The following C1orf94 variants were observed in gnomAD, a reference collection of about 807,000 sequenced individuals.
C1orf94 encodes uncharacterized protein C1orf94.
Under a neutral mutation model 53.6 loss-of-function variants are expected in C1orf94, and 45 were observed. That is an observed-to-expected ratio of 0.84 (90% CI 0.66 to 1.08). The LOEUF (loss-of-function observed/expected upper bound fraction) is 1.08, where lower values mean the gene tolerates loss of function less well. C1orf94 is among the 50% of genes least tolerant of loss of function. C1orf94 has a pLI of 0.00. For missense variants in C1orf94, 762 were observed against 738.9 expected, an observed-to-expected ratio of 1.03 and a Z score of -0.36; for synonymous variants, 304 against 296.1, an observed-to-expected ratio of 1.03 and a Z score of -0.27.
At position 34,202,012 on chromosome 1, in the gene C1orf94, G is replaced by A. The variant is rs1281807120; in HGVS notation, c.1271-72G>A. 3 of 1,492,348 alleles carry A rather than the reference G, an allele frequency of 2.0e-6. No individual in the cohort carries two copies. In the Admixed American group the frequency reaches 5.4e-5, roughly 27 times the overall value. 92.4% of individuals were successfully genotyped at this position (1,492,348 alleles called of 1,614,324 possible). A position where few individuals can be genotyped will look rare whatever the true frequency, so the allele number is the denominator to read the frequency against. ...GAGACTGTGAATCCCTAAGGAAGTT[G>A]CGATGCTGAAGGTGTCCTGGCCTCT... On this transcript the variant is annotated intron_variant, in intron 3 of 6. Coordinates refer to ENST00000488417, the MANE Select transcript of C1orf94 (RefSeq NM_001134734.2).
chr1:34,210,366 C>T (rs1642869702), intron 5 of C1orf94, among the ~76,000 whole-genome samples: 1 of 152,170 alleles, frequency 6.6e-6, no homozygotes, highest in South Asian at 2.1e-4. Context: ...CACTGGAGAA[C>T]ATTGGGGAAG....
chr1:34,197,112 T>TA lies in C1orf94; in HGVS notation c.321-113_321-112insA. The TA allele has an allele frequency of 2.1e-6, 2 of 955,394 alleles. No individual in the cohort carries two copies. Among genetic ancestry groups the TA allele is most frequent in the East Asian group, 2.6e-5 (1 of 37,746 alleles). 59.2% of individuals were successfully genotyped at this position (955,394 alleles called of 1,614,324 possible). On this transcript the variant is annotated intron_variant, in intron 1 of 6. Coordinates refer to ENST00000488417, the MANE Select transcript of C1orf94 (RefSeq NM_001134734.2). The surrounding 1 kb of genome is among the most constrained non-coding windows in gnomAD (Gnocchi z 4.1). Reference sequence around the variant, plus strand: ...TGCTGGGTTATCTTGCCTGGAAGTGTGTTTTTGTCATGTTATGCATCCATC... The same window carrying TA: ...TGCTGGGTTATCTTGCCTGGAAGTGTAGTTTTTGTCATGTTATGCATCCATC...
intron 5 of C1orf94, among the ~76,000 whole-genome samples, chr1:34,210,995 G>A (rs1161617824): frequency 1.3e-5 from 2 of 151,946 alleles, no homozygotes; most frequent in Non-Finnish European, 2.9e-5. Flanking sequence ...TATGGGGTGA[G>A]AGAGGGCTGT....
intron 1 of C1orf94, among the ~76,000 whole-genome samples, chr1:34,169,626 AGAGAGAGAGT>A (rs769510107): frequency 0.015 from 1,400 of 94,466 alleles, 32 homozygotes; most frequent in South Asian, 0.079. Context: ...AGAGAGAGAG[AGAGAGAGAGT>A]GAGCAAATGG....
At chr1:34,199,234 G>A (rs1329696843) in intron 2 of C1orf94, among the ~76,000 whole-genome samples, 1 of 152,194 alleles carries the variant, frequency 6.6e-6, no homozygotes, top group African/African-American at 2.4e-5. Context: ...GCCCAGACCT[G>A]GGACGAGGGA....
At chr1:34,176,839 G>A (rs1051093300), upstream of C1orf94, among the ~76,000 whole-genome samples, 1 of 152,178 alleles carries the variant, frequency 6.6e-6, no homozygotes, top group Admixed American at 6.5e-5. Flanking sequence ...GAAGCGCTCT[G>A]GGGTCCTTTG....
intron 1 of C1orf94, among the ~76,000 whole-genome samples, chr1:34,178,755 T>C (rs1395881145): frequency 6.6e-6 from 1 of 150,914 alleles, no homozygotes; most frequent in African/African-American, 2.5e-5. Flanking sequence ...GCAGATATTG[T>C]TGAGGATGGA....
chr1:34,200,367 G>C (rs940624204), intron 2 of C1orf94, among the ~76,000 whole-genome samples: 4 of 152,160 alleles, frequency 2.6e-5, no homozygotes, highest in African/African-American at 9.7e-5. Flanking sequence ...GGAGAGGAAA[G>C]AAAAGAAAGG....
chr1:34,212,620 G>A (rs1021177992), intron 6 of C1orf94, among the ~76,000 whole-genome samples: 1 of 152,140 alleles, frequency 6.6e-6, no homozygotes, highest in Non-Finnish European at 1.5e-5. Context: ...CCTTTTGTAG[G>A]TGCATTTCAG....
intron 1 of C1orf94, among the ~76,000 whole-genome samples, chr1:34,171,898 A>G (rs1642150706): frequency 6.6e-6 from 1 of 152,236 alleles, no homozygotes; most frequent in Non-Finnish European, 1.5e-5. Flanking sequence ...AGGCCTGACC[A>G]GTTCGGGTGC....
At chr1:34,171,414 A>C (rs368817821) in intron 1 of C1orf94, among the ~76,000 whole-genome samples, 4 of 152,190 alleles carry the variant, frequency 2.6e-5, no homozygotes, top group African/African-American at 7.2e-5. Flanking sequence ...TGCCTGGTAC[A>C]TGGTGAACAT....
At chr1:34,207,261 GGGT>G (rs1642813824) in intron 4 of C1orf94, among the ~76,000 whole-genome samples, 1 of 79,004 alleles carries the variant, frequency 1.3e-5, no homozygotes, top group African/African-American at 4.9e-5. Context: ...CAGTTCTGCG[GGGT>G]GTGTGTGTGT....
rs1263260232 is a variant in C1orf94 at position 34,208,361 on chromosome 1, C to T, written c.1524+127C>T. 9 of 895,106 alleles carry T rather than the reference C, an allele frequency of 1.0e-5. 1 individual carries two copies. In the Admixed American group the frequency reaches 2.0e-4, roughly 20 times the overall value. 55.4% of individuals were successfully genotyped at this position (895,106 alleles called of 1,614,324 possible). A position where few individuals can be genotyped will look rare whatever the true frequency, so the allele number is the denominator to read the frequency against. ...CTGGCCCACCATTGGCTCTGGAGTA[C>T]AGACTCACATACCGGCATGCGTGTG... On this transcript the variant is annotated intron_variant, in intron 5 of 6. Transcript: ENST00000488417.
chr1:34,172,924 C>T (rs748581870), upstream of C1orf94, among the ~76,000 whole-genome samples: 13 of 152,322 alleles, frequency 8.5e-5, no homozygotes, highest in Admixed American at 5.9e-4. Context: ...GCAGTTTGAC[C>T]CATTGAGCAT....
intron 1 of C1orf94, among the ~76,000 whole-genome samples, chr1:34,192,731 T>A (rs1557481627): frequency 6.6e-6 from 1 of 152,158 alleles, no homozygotes; most frequent in Non-Finnish European, 1.5e-5. Flanking sequence ...GAAAGGCTAC[T>A]TTGAGACTGT....
intron 1 of C1orf94, among the ~76,000 whole-genome samples, chr1:34,179,947 T>TC (rs1204653078): frequency 2.6e-5 from 4 of 152,302 alleles, no homozygotes; most frequent in African/African-American, 9.6e-5. Context: ...TTTCTGCTAT[T>TC]GAGAAAAGAG....
At chr1:34,185,870 G>A (rs987637206) in intron 1 of C1orf94, among the ~76,000 whole-genome samples, 1 of 152,202 alleles carries the variant, frequency 6.6e-6, no homozygotes, top group African/African-American at 2.4e-5. Flanking sequence ...ATCTCTAGAT[G>A]CACGTCTTGC....
At position 34,219,052 on chromosome 1, in the gene C1orf94, G is replaced by T; in HGVS notation, c.*291G>T. Reference sequence around the variant, plus strand: ...GCTAACATGAGTGATTTTTGTTTTTGTTTTTGTTGGTAAAATAGAAGTAAG... The same window carrying T: ...GCTAACATGAGTGATTTTTGTTTTTTTTTTTGTTGGTAAAATAGAAGTAAG... On this transcript the variant is annotated 3_prime_UTR_variant, in exon 7 of 7. Transcript: ENST00000488417. 1 of 238,986 alleles carries T rather than the reference G, an allele frequency of 4.2e-6. No homozygotes were observed. Among genetic ancestry groups the T allele is most frequent in the Admixed American group, 5.5e-5 (1 of 18,044 alleles). The allele number at this position is 238,986 out of a possible 1,614,324, so 14.8% of individuals were successfully genotyped here.
At position 34,197,966 on chromosome 1, in the gene C1orf94, C is replaced by T. The variant is rs1642630814; in HGVS notation, c.1009+53C>T. The T allele has an allele frequency of 3.3e-6, 5 of 1,513,398 alleles. No individual in the cohort carries two copies. In the Admixed American group the frequency reaches 1.0e-4, roughly 30 times the overall value. 93.7% of individuals were successfully genotyped at this position (1,513,398 alleles called of 1,614,324 possible). Reference sequence around the variant, plus strand: ...TGGGCCTGCAAGGAGGAGGTCCTTCCCAGGAAGCCAATCAGGGCTGCAGCA... The same window carrying T: ...TGGGCCTGCAAGGAGGAGGTCCTTCTCAGGAAGCCAATCAGGGCTGCAGCA... On this transcript the variant is annotated intron_variant, in intron 2 of 6. Coordinates refer to ENST00000488417, the MANE Select transcript of C1orf94 (RefSeq NM_001134734.2). The surrounding 1 kb of genome is among the most constrained non-coding windows in gnomAD (Gnocchi z 4.1).
Sources: gnomAD v4.1 joint callset for allele counts (sites outside exome capture counted in the v4.1 genomes callset) on GRCh38, gnomAD v4.1.1 for gene constraint, Gnocchi (gnomAD v3.1) non-coding constraint, MANE v1.5 for transcripts, NCBI Gene and HGNC (gene_info 2026-07-23, HGNC 2026-07-21) for gene names.